LPIN2: variants seen among roughly 807,000 people sequenced by gnomAD.
LPIN2 encodes lipin 2.
A neutral mutation model predicts 111.4 loss-of-function variants in LPIN2; 55 were observed. The observed-to-expected ratio is 0.49, with a 90% CI of 0.40 to 0.62. The LOEUF (loss-of-function observed/expected upper bound fraction) is 0.62, where lower values mean the gene tolerates loss of function less well. Ranked by LOEUF, LPIN2 falls within the 20% of genes least tolerant of loss-of-function variation. The pLI, the probability that LPIN2 is intolerant of heterozygous loss-of-function variation, is 0.00. For missense variants in LPIN2, 992 were observed against 1,112.1 expected, an observed-to-expected ratio of 0.89 and a Z score of 1.54; for synonymous variants, 425 against 414.0, an observed-to-expected ratio of 1.03 and a Z score of -0.32.
intron 4 of LPIN2, among the ~76,000 whole-genome samples, chr18:2,948,974 T>A (rs979985124): frequency 6.6e-6 from 1 of 152,134 alleles, no homozygotes; most frequent in Non-Finnish European, 1.5e-5. Flanking sequence ...AGCTAATTTC[T>A]GTATTTTTAG....
chr18:2,944,585 C>T (rs1162792484), intron 4 of LPIN2, among the ~76,000 whole-genome samples: 2 of 151,960 alleles, frequency 1.3e-5, no homozygotes, highest in South Asian at 2.1e-4. Flanking sequence ...CTCCTGACCT[C>T]GTGATCTGCC....
At chr18:2,947,498 C>A (rs1209241161) in intron 4 of LPIN2, among the ~76,000 whole-genome samples, 2 of 152,286 alleles carry the variant, frequency 1.3e-5, no homozygotes, top group East Asian at 3.9e-4. Context: ...TAAAGCTCTC[C>A]GATTTCCAGA....
intron 9 of LPIN2, among the ~76,000 whole-genome samples, chr18:2,930,806 A>C (rs191248469): frequency 1.1e-4 from 17 of 152,232 alleles, no homozygotes; most frequent in African/African-American, 2.9e-4. Flanking sequence ...TAATCCTCCT[A>C]ATTTTTGCCA....
At chr18:2,983,408 A>AT (rs750446235) in intron 1 of LPIN2, among the ~76,000 whole-genome samples, 1 of 152,256 alleles carries the variant, frequency 6.6e-6, no homozygotes, top group Non-Finnish European at 1.5e-5. Context: ...ACACTGTAAA[A>AT]TTAAAACATT....
intron 1 of LPIN2, among the ~76,000 whole-genome samples, chr18:2,968,611 C>A (rs2077848574): frequency 6.6e-6 from 1 of 152,016 alleles, no homozygotes; most frequent in Non-Finnish European, 1.5e-5. Context: ...AGGCTTCAAG[C>A]AGCAGAAAAT....
rs1220796133 is a variant in LPIN2 at position 2,929,072 on chromosome 18, A to G, written c.1543T>C (p.Tyr515His). ...AAAAGCAGGAGTATTTACCGATTAT[A>G]TATCCTTATTACAAGGTTAGGATTG... The part of the protein sequence containing the change: ...IDNPNLVIRI[Y>H]NRYYNWALAA... Residue 515 changes from tyrosine (Y) to histidine (H), a missense_variant, in exon 10 of 20, where the codon TAT (tyrosine) becomes CAT (histidine). By Grantham distance (83) the Tyr-to-His change is moderately conservative (BLOSUM62 2). This residue lies in a region of LPIN2 where 709 missense variants were observed against 753.2 expected (regional missense o/e 0.94). Coordinates refer to ENST00000677752, the MANE Select transcript of LPIN2 (RefSeq NM_001375808.2). 3.8e-6 allele frequency: 6 copies of G among 1,574,512 alleles called. No individual in the cohort carries two copies. The highest frequency in any genetic ancestry group is 5.2e-6 in the Non-Finnish European group (6 of 1,144,298).
At chr18:2,934,264 G>T in intron 8 of LPIN2, 87 bp downstream of exon 8, 1 of 1,017,658 alleles carries the variant, frequency 9.8e-7, no homozygotes, top group Non-Finnish European at 1.5e-6. Flanking sequence ...CCATCATCTT[G>T]TTCCTTTTTC....
intron 1 of LPIN2, among the ~76,000 whole-genome samples, chr18:3,005,676 T>TACACACACAC (rs34050872): frequency 0.025 from 3,678 of 146,966 alleles, 56 homozygotes; most frequent in Middle Eastern, 0.046. Flanking sequence ...GACACTATCT[T>TACACACACAC]ACACACACAC....
intron 7 of LPIN2, among the ~76,000 whole-genome samples, chr18:2,937,175 A>C (rs1047075279): frequency 2.0e-5 from 3 of 152,172 alleles, no homozygotes; most frequent in African/African-American, 7.2e-5. Context: ...AACAGTCAAG[A>C]GACAGCAGTG....
chr18:3,005,446 G>C lies in LPIN2; in HGVS notation c.-10+7641C>G, dbSNP rs1163147667. Among the ~76,000 whole-genome samples the C allele has an allele frequency of 3.3e-5, 5 of 152,134 alleles. No individual in the cohort carries two copies. In the South Asian group the frequency reaches 1.0e-3, roughly 32 times the overall value. On this transcript the variant is annotated intron_variant, in intron 1 of 19. Transcript: ENST00000677752. ...CCCCCTCAGCACTTTGGGAGGCTGAGGTGGGAGGATCGCTTGAGCCCAGAA... is the reference window on the plus strand; with the variant it reads ...CCCCCTCAGCACTTTGGGAGGCTGACGTGGGAGGATCGCTTGAGCCCAGAA...
At chr18:3,007,971 A>G (rs903545308) in intron 1 of LPIN2, among the ~76,000 whole-genome samples, 9 of 152,226 alleles carry the variant, frequency 5.9e-5, no homozygotes, top group Admixed American at 1.3e-4. Context: ...CATAAATGTC[A>G]TATCATAATG....
intron 12 of LPIN2, 39 bp downstream of exon 12, chr18:2,927,682 TC>T (rs2077154628): frequency 1.3e-6 from 2 of 1,599,930 alleles, no homozygotes; most frequent in African/African-American, 2.7e-5. Flanking sequence ...AAGATTCATT[TC>T]TTTCAGCCCA....
intron 1 of LPIN2, among the ~76,000 whole-genome samples, chr18:3,001,231 A>G (rs931271862): frequency 2.6e-5 from 4 of 152,172 alleles, no homozygotes; most frequent in African/African-American, 9.7e-5. Context: ...ATGCCAAGAG[A>G]GAAGACAATG....
At position 2,918,739 on chromosome 18, in the gene LPIN2, C is replaced by G. The variant is rs2077005993; in HGVS notation, c.*1554G>C. Reference sequence around the variant, plus strand: ...CACTAGGAAAATGGCTGAAATCAGTCAGGGACTTTCAACTCTCCAATCTGG... The same window carrying G: ...CACTAGGAAAATGGCTGAAATCAGTGAGGGACTTTCAACTCTCCAATCTGG... On this transcript the variant is annotated 3_prime_UTR_variant, in exon 20 of 20. Transcript: ENST00000677752. The G allele has an allele frequency of 6.6e-6, 1 of 152,188 alleles. No individual in the cohort carries two copies. Among genetic ancestry groups the G allele is most frequent in the African/African-American group, 2.4e-5 (1 of 41,452 alleles). 9.4% of individuals were successfully genotyped at this position (152,188 alleles called of 1,614,324 possible). A position where few individuals can be genotyped will look rare whatever the true frequency, so the allele number is the denominator to read the frequency against.
intron 4 of LPIN2, among the ~76,000 whole-genome samples, chr18:2,943,693 TA>T (rs1213040050): frequency 1.3e-5 from 2 of 152,202 alleles, no homozygotes; most frequent in African/African-American, 4.8e-5. Context: ...TCATGGAATA[TA>T]ACTTGAAAAA....
At chr18:2,931,606 T>A (rs1251087461) in intron 8 of LPIN2, among the ~76,000 whole-genome samples, 163 bp from the exon 9 acceptor site, 1 of 152,222 alleles carries the variant, frequency 6.6e-6, no homozygotes, top group Non-Finnish European at 1.5e-5. Flanking sequence ...TTTAGAATCA[T>A]ATCATAAATG....
In LPIN2 at chr18:2,951,208, A is replaced by C. The variant is rs1214649540; in HGVS notation, c.437T>G (p.Ile146Ser). ...CTTTTTCACAGAACTTGGAGTAAAAATTGTCTCTGTTTCCAAGACGTGTGA... is the reference window on the plus strand; with the variant it reads ...CTTTTTCACAGAACTTGGAGTAAAACTTGTCTCTGTTTCCAAGACGTGTGA... Reference protein sequence around the residue: ...DISHVLETETIFTPSSVKKKK... With the variant: ...DISHVLETETSFTPSSVKKKK... Residue 146 changes from isoleucine to serine, a missense_variant, in exon 4 of 20, where the codon ATT (isoleucine) becomes AGT (serine). Transcript: ENST00000677752. 1.2e-6 allele frequency: 2 copies of C among 1,613,916 alleles called. No individual in the cohort carries two copies. Among genetic ancestry groups the C allele is most frequent in the African/African-American group, 2.7e-5 (2 of 74,870 alleles).
At chr18:2,964,125 T>C (rs919830915) in intron 1 of LPIN2, among the ~76,000 whole-genome samples, 4 of 150,798 alleles carry the variant, frequency 2.7e-5, no homozygotes, top group African/African-American at 9.8e-5. Flanking sequence ...TTACTAAAAA[T>C]ACAAAAAATT....
intron 1 of LPIN2, chr18:3,011,685 T>G (rs994216420): frequency 6.6e-6 from 1 of 152,206 alleles, no homozygotes; most frequent in Non-Finnish European, 1.5e-5. Flanking sequence ...AGACTCTGTC[T>G]CGAAATAAAA....
Sources: gnomAD v4.1 joint callset for allele counts (sites outside exome capture counted in the v4.1 genomes callset) on GRCh38, gnomAD v4.1.1 for gene constraint, gnomAD v4.1.1 regional missense constraint, MANE v1.5 for transcripts, NCBI Gene and HGNC (gene_info 2026-07-23, HGNC 2026-07-21) for gene names.